Variants in TNFAIP8 observed in about 807,000 individuals in gnomAD.
The protein encoded by TNFAIP8 is TNF alpha induced protein 8.
In TNFAIP8, 7 loss-of-function variants were observed where a neutral mutation model predicts 13.3. That is an observed-to-expected ratio of 0.52 (90% confidence interval 0.30 to 0.99). The LOEUF is 0.99. Ranked by LOEUF, TNFAIP8 falls within the 50% of genes least tolerant of loss-of-function variation. TNFAIP8 has a pLI of 0.07. For missense variants in TNFAIP8, 258 were observed against 236.9 expected (o/e 1.09, Z -0.58); for synonymous variants, 94 against 87.6 (o/e 1.07, Z -0.41).
intron 1 of TNFAIP8, among the ~76,000 whole-genome samples, chr5:119,347,122 G>T (rs1750929550): frequency 6.6e-6 from 1 of 152,122 alleles, no homozygotes; most frequent in African/African-American, 2.4e-5. Flanking sequence ...TGTCTTTGAG[G>T]CATTTTGCTA....
At chr5:119,378,157 A>G (rs1016917876) in intron 1 of TNFAIP8, among the ~76,000 whole-genome samples, 6 of 152,212 alleles carry the variant, frequency 3.9e-5, no homozygotes, top group Admixed American at 3.3e-4. Context: ...GCCAAATAAT[A>G]TGATATCCAG....
intron 1 of TNFAIP8, among the ~76,000 whole-genome samples, chr5:119,336,688 T>G (rs1750560916): frequency 6.6e-6 from 1 of 152,228 alleles, no homozygotes; most frequent in East Asian, 1.9e-4. Flanking sequence ...TTGCATTCAT[T>G]TTTAAGCTAT....
chr5:119,273,678 G>A (rs1748356794), intron 1 of TNFAIP8, among the ~76,000 whole-genome samples: 1 of 152,216 alleles, frequency 6.6e-6, no homozygotes, highest in Admixed American at 6.5e-5. Context: ...AAAACAGGTA[G>A]TGAATGAAAC....
chr5:119,278,374 AGAGTGTGTGT>A (rs1467334552), intron 1 of TNFAIP8, among the ~76,000 whole-genome samples: 1,784 of 123,134 alleles, frequency 0.014, 36 homozygotes, highest in African/African-American at 0.064. Context: ...AGAGAGAGAG[AGAGTGTGTGT>A]GTGTGTGTGT....
Position 119,279,223 on chromosome 5 carries a change from T to A in TNFAIP8, c.1+10316T>A, listed in dbSNP as rs17145069. 5.5e-3 allele frequency among the ~76,000 whole-genome samples: 833 copies of A among 152,346 alleles called. 7 individuals are homozygous for A. Among genetic ancestry groups the A allele is most frequent in the East Asian group, 0.037 (191 of 5,194 alleles). On this transcript the variant is annotated intron_variant, in intron 1 of 1. Coordinates refer to the TNFAIP8 transcript ENST00000274456. ...ACATGCTGTGAATGCCTGGCCACGC[T>A]GGGATTTACACTCTGGTGGCTCAGC...
At chr5:119,306,073 C>A (rs1366068009) in intron 1 of TNFAIP8, among the ~76,000 whole-genome samples, 1 of 152,214 alleles carries the variant, frequency 6.6e-6, no homozygotes, top group Non-Finnish European at 1.5e-5. Flanking sequence ...TTCACACCTC[C>A]ATCCTTCCAG....
At chr5:119,371,336 T>C (rs1752062215) in intron 1 of TNFAIP8, among the ~76,000 whole-genome samples, 1 of 152,214 alleles carries the variant, frequency 6.6e-6, no homozygotes. Flanking sequence ...TTAAAAGTAC[T>C]GTATGACACT....
At chr5:119,372,314 C>A (rs1318475871) in intron 1 of TNFAIP8, among the ~76,000 whole-genome samples, 3 of 127,496 alleles carry the variant, frequency 2.4e-5, no homozygotes, top group Admixed American at 7.7e-5. Context: ...CAGAGTGAGA[C>A]CCTGTCTCAA....
chr5:119,289,043 T>C (rs1748903831), intron 1 of TNFAIP8, among the ~76,000 whole-genome samples: 1 of 152,232 alleles, frequency 6.6e-6, no homozygotes, highest in African/African-American at 2.4e-5. Context: ...TGGAGGTTCT[T>C]AATTATTTTG....
exon 1 of TNFAIP8, chr5:119,268,881 CCCGGCGCCGTCGCG>C (rs1748171320): frequency 1.4e-6 from 1 of 702,292 alleles, no homozygotes; most frequent in South Asian, 1.5e-5. Context: ...GCTTCAGCGT[CCCGGCGCCGTCGCG>C]CCACTCCTCC....
chr5:119,294,344 A>G (rs1284894922), intron 1 of TNFAIP8, among the ~76,000 whole-genome samples: 5 of 151,966 alleles, frequency 3.3e-5, no homozygotes, highest in East Asian at 3.9e-4. Context: ...ATGATTTCCA[A>G]TTTCATCCAT....
At chr5:119,389,934 G>T (rs753617541) in intron 1 of TNFAIP8, among the ~76,000 whole-genome samples, 39 of 152,306 alleles carry the variant, frequency 2.6e-4, no homozygotes, top group Non-Finnish European at 4.9e-4. Flanking sequence ...AGATTTGCCT[G>T]TTACACACTC....
chr5:119,306,118 C>A (rs1281882983), intron 1 of TNFAIP8, among the ~76,000 whole-genome samples: 1 of 152,182 alleles, frequency 6.6e-6, no homozygotes, highest in Non-Finnish European at 1.5e-5. Flanking sequence ...TCTGAATTAC[C>A]AACCCCCTCT....
At chr5:119,295,849 C>T (rs1749159071) in intron 1 of TNFAIP8, among the ~76,000 whole-genome samples, 1 of 151,814 alleles carries the variant, frequency 6.6e-6, no homozygotes, top group Admixed American at 6.6e-5. Context: ...CCTTCACGTC[C>T]CTTGTAAGTT....
upstream of TNFAIP8, among the ~76,000 whole-genome samples, chr5:119,352,408 A>G (rs1751202186): frequency 6.6e-6 from 1 of 150,860 alleles, no homozygotes; most frequent in Non-Finnish European, 1.5e-5. Context: ...AAGCAGATTC[A>G]GCCTCAGCAG....
chr5:119,291,060 G>C (rs941214480), intron 1 of TNFAIP8, among the ~76,000 whole-genome samples: 1 of 152,092 alleles, frequency 6.6e-6, no homozygotes, highest in Non-Finnish European at 1.5e-5. Context: ...TGACCTTTAG[G>C]GTTTTGGTGC....
At chr5:119,391,469 A>C in intron 1 of TNFAIP8, 1 of 701,256 alleles carries the variant, frequency 1.4e-6, no homozygotes, top group South Asian at 1.5e-5. Flanking sequence ...AGGAGAAGCG[A>C]GAGAAATGGG....
At chr5:119,316,714 A>G (rs1749905740) in intron 1 of TNFAIP8, among the ~76,000 whole-genome samples, 1 of 152,212 alleles carries the variant, frequency 6.6e-6, no homozygotes, top group Non-Finnish European at 1.5e-5. Flanking sequence ...CTCAGGTATC[A>G]GTATTTTTAA....
intron 1 of TNFAIP8, among the ~76,000 whole-genome samples, chr5:119,304,690 C>T (rs1561992606): frequency 6.6e-6 from 1 of 152,228 alleles, no homozygotes; most frequent in Non-Finnish European, 1.5e-5. Flanking sequence ...TTCCTGTTTT[C>T]TTTCCAGAGG....
Sources: gnomAD v4.1 joint callset for allele counts (sites outside exome capture counted in the v4.1 genomes callset) on GRCh38, gnomAD v4.1.1 for gene constraint, MANE v1.5 for transcripts, NCBI Gene and HGNC (gene_info 2026-07-23, HGNC 2026-07-21) for gene names.